The following CACNA1F variants were observed in gnomAD, a reference collection of about 807,000 sequenced individuals.
CACNA1F encodes the protein calcium voltage-gated channel subunit alpha1 F, also known as voltage-dependent L-type calcium channel subunit alpha-1F.
Under a neutral mutation model 143.8 loss-of-function variants are expected in CACNA1F, and 59 were observed. The ratio of observed to expected loss-of-function variants is 0.41; its 90% confidence interval spans 0.33 to 0.51. The LOEUF is 0.51. Among genes scored for constraint, CACNA1F ranks in the 20% least tolerant of loss-of-function variants. CACNA1F has a pLI of 0.22. For synonymous variants in CACNA1F, 643 were observed against 649.1 expected (o/e 0.99, Z 0.14); for missense variants, 1,411 against 1,647.5 (o/e 0.86, Z 2.48).
At chrX:49,212,943 G>A (rs1557106621) in intron 32 of CACNA1F, 31 bp downstream of exon 32, 2 of 1,193,310 alleles carry the variant, frequency 1.7e-6, no homozygotes, top group Non-Finnish European at 2.3e-6. Context: ...GGGAAAAGAA[G>A]CAGAGAGTCC....
intron 3 of CACNA1F, 21 bp from the exon 4 acceptor site, chrX:49,231,010 C>T: frequency 7.3e-6 from 4 of 551,724 alleles, no homozygotes; most frequent in Non-Finnish European, 8.1e-6. Context: ...GACCGGGGGG[C>T]GGGTCGGGAA....
chrX:49,222,803 A>G lies in CACNA1F; in HGVS notation c.2121T>C (p.Tyr707=). ...GGCCACCATATGCCATGATACCATC[A>G]TACATGACCACGTTCCAGTCCTCAC... ...LTGEDWNVVM[Y]DGIMAYGGPF... is the part of the protein sequence containing the mutation. The change falls in exon 16 of 48, where the codon TAT becomes TAC. Residue 707 remains tyrosine, a synonymous_variant. Transcript: ENST00000323022. The G allele has an allele frequency of 8.3e-7, 1 of 1,210,956 alleles. No individual in the cohort carries two copies. Among genetic ancestry groups the G allele is most frequent in the South Asian group, 1.8e-5 (1 of 56,952 alleles).
In CACNA1F at chrX:49,209,702, C is replaced by T; in HGVS notation, c.4748G>A (p.Arg1583His). The T allele has an allele frequency of 8.3e-7, 1 of 1,210,866 alleles. No homozygotes were observed. The highest frequency in any genetic ancestry group is 1.1e-6 in the Non-Finnish European group (1 of 894,897). Residue 1583 changes from arginine to histidine, a missense_variant, in exon 41 of 48, where the codon CGC becomes CAC. By Grantham distance (29) the Arg-to-His change is conservative. This residue lies in a region of CACNA1F where 349 missense variants were observed against 350.2 expected (regional missense o/e 1.00). Transcript: ENST00000323022. ...YATFLIQDYF[R>H]KFRRRKEKGL... ...TTTTTCTTTCCTCCGCCGGAATTTG[C>T]GGAAATAGTCCTGGATCAGAAATGT...
Position 49,207,041 on chromosome X carries a change from TG to T in CACNA1F, c.5194del (p.Gln1732LysfsTer17). On this transcript the variant is annotated frameshift_variant, in exon 44 of 48. Coordinates refer to ENST00000323022, the MANE Select transcript of CACNA1F (RefSeq NM_001256789.3). LOFTEE classifies it high-confidence loss of function. Reference sequence around the variant, plus strand: ...TTCCTCATCCTCATCTTGCTTGTTTTGCCCTTTGGTTCCCTTGGGCTGAGAA... The same window carrying T: ...TTCCTCATCCTCATCTTGCTTGTTTTCCCTTTGGTTCCCTTGGGCTGAGAA... ...GNSQPKGTKG[Q>X]NKQDEDEEVP... 8.3e-7 allele frequency: 1 copy of T among 1,204,079 alleles called. No homozygotes were observed. The highest frequency in any genetic ancestry group is 1.1e-6 in the Non-Finnish European group (1 of 890,566).
intron 26 of CACNA1F, among the ~76,000 whole-genome samples, chrX:49,217,355 ACT>A (rs1557107669): frequency 8.9e-6 from 1 of 112,771 alleles, no homozygotes; most frequent in African/African-American, 3.2e-5. Flanking sequence ...TGAGATAGGC[ACT>A]GTTTAGCCCC....
intron 29 of CACNA1F, among the ~76,000 whole-genome samples, chrX:49,214,624 G>GATCATGAAACAACA (rs2065692430): frequency 8.9e-6 from 1 of 112,083 alleles, no homozygotes; most frequent in Non-Finnish European, 1.9e-5. Context: ...CTGGAGCTGT[G>GATCATGAAACAACA]ATCATGAAAC....
In CACNA1F at chrX:49,230,451, G is replaced by A. The variant is rs2147924281; in HGVS notation, c.664+16C>T. On this transcript the variant is annotated intron_variant, in intron 5 of 47. Transcript: ENST00000323022. The stretch of plus-strand genomic sequence containing the variant: ...CCCCACCCTCCACCTCCGACCTCGG[G>A]GGATGTGCCACTCACTCGGGACCCC... 1 of 1,208,884 alleles carries A rather than the reference G, an allele frequency of 8.3e-7. No homozygotes were observed.
At chrX:49,214,527 TA>T (rs1480799954) in intron 29 of CACNA1F, among the ~76,000 whole-genome samples, 1 of 110,823 alleles carries the variant, frequency 9.0e-6, no homozygotes, top group Non-Finnish European at 1.9e-5. Flanking sequence ...GCAGCTTGTG[TA>T]AAAAAAATTT....
At chrX:49,230,089 G>T in intron 6 of CACNA1F, 131 bp downstream of exon 6, 1 of 547,687 alleles carries the variant, frequency 1.8e-6, no homozygotes, top group Non-Finnish European at 2.9e-6. Flanking sequence ...GTGGGACTTG[G>T]TTATCTGGGG....
At position 49,219,337 on chromosome X, in the gene CACNA1F, T is replaced by G; in HGVS notation, c.2657A>C (p.His886Pro). The change falls in exon 21 of 48, where the codon CAC (histidine) becomes CCC (proline). Residue 886 changes from histidine to proline, a missense_variant. Physicochemically the swap from His to Pro is moderately conservative, Grantham distance 77. Coordinates refer to ENST00000323022, the MANE Select transcript of CACNA1F (RefSeq NM_001256789.3). ...SLAAEDPIRA[H>P]SFRNHILGYF... is the part of the protein sequence containing the mutation. ...AAGGCTCACATGGTTGCGGAAGGAG[T>G]GGGCTCGGATGGGGTCCTCAGCGGC... 8.3e-7 allele frequency: 1 copy of G among 1,207,003 alleles called. No homozygotes were observed. Among genetic ancestry groups the G allele is most frequent in the Non-Finnish European group, 1.1e-6 (1 of 893,754 alleles).
chrX:49,223,719 T>C (rs2065796824), intron 14 of CACNA1F, among the ~76,000 whole-genome samples: 2 of 90,927 alleles, frequency 2.2e-5, no homozygotes, highest in Admixed American at 2.5e-4. Flanking sequence ...AGGATGGAGT[T>C]TTTTTTTTTC....
At position 49,222,726 on chromosome X, in the gene CACNA1F, C is replaced by G; in HGVS notation, c.2198G>C (p.Cys733Ser). The change falls in exon 16 of 48, where the codon TGT becomes TCT. Residue 733 changes from cysteine to serine, a missense_variant. Around this residue, in one of 3 missense-constraint regions of CACNA1F, gnomAD observed 950 missense variants for 1,128.1 expected, o/e 0.84. Transcript: ENST00000323022. ...VCIYFIILFI[C>S]GNYILLNVFL... ...CAAAGCTCCAAGGATACAGTTGCCA[C>G]AGATGAAGAGAATGATGAAATAGAT... 8.3e-7 allele frequency: 1 copy of G among 1,211,546 alleles called. No individual in the cohort carries two copies. Among genetic ancestry groups the G allele is most frequent in the Non-Finnish European group, 1.1e-6 (1 of 895,402 alleles).
At chrX:49,208,749 A>T in intron 42 of CACNA1F, 65 bp from the exon 43 acceptor site, 1 of 1,015,401 alleles carries the variant, frequency 9.8e-7, no homozygotes, top group Non-Finnish European at 1.4e-6. Context: ...GTCATATAAC[A>T]TGTCTCCCCC....
intron 24 of CACNA1F, among the ~76,000 whole-genome samples, chrX:49,218,242 G>C (rs940775259): frequency 8.9e-6 from 1 of 112,348 alleles, no homozygotes; most frequent in Non-Finnish European, 1.9e-5. Flanking sequence ...TCAGGGAGCT[G>C]GGTCTGAGAA....
Position 49,212,237 on chromosome X carries a change from A to G in CACNA1F, c.4008+6T>C. The G allele has an allele frequency of 8.3e-7, 1 of 1,200,600 alleles. No individual in the cohort carries two copies. The highest frequency in any genetic ancestry group is 1.1e-6 in the Non-Finnish European group (1 of 885,889). On this transcript the variant is annotated splice_donor_region_variant and intron_variant, in intron 34 of 47. Coordinates refer to ENST00000323022, the MANE Select transcript of CACNA1F (RefSeq NM_001256789.3). The stretch of plus-strand genomic sequence containing the variant: ...TTAAGGGATGCTTCCTAGGGTCCCC[A>G]CTTGCCTGCATGCCAATGACGGCAT...
Position 49,206,772 on chromosome X carries a change from C to A in CACNA1F, c.5315G>T (p.Gly1772Val). 8.3e-7 allele frequency: 1 copy of A among 1,208,357 alleles called. No homozygotes were observed. The highest frequency in any genetic ancestry group is 1.1e-6 in the Non-Finnish European group (1 of 893,049). ...CAGACGGCGGCGTGGTACCAGGTGC[C>A]CATCCATGTATCTCTGAGCTCTGTG... is the stretch of plus-strand genomic sequence containing the variant. Reference protein sequence around the residue: ...PPHRAQRYMDGHLVPRRRLLP... With the variant: ...PPHRAQRYMDVHLVPRRRLLP... Residue 1772 changes from glycine to valine, a missense_variant, in exon 45 of 48, where the codon GGG (glycine) becomes GTG (valine). Gly to Val is a moderately radical substitution (Grantham distance 109, BLOSUM62 -3). Transcript: ENST00000323022.
intron 29 of CACNA1F, among the ~76,000 whole-genome samples, chrX:49,214,860 C>CTT (rs139742315): frequency 6.8e-5 from 7 of 103,075 alleles, no homozygotes; most frequent in Non-Finnish European, 1.2e-4. Flanking sequence ...CCACTGGCTA[C>CTT]TTTTTTTTTT....
chrX:49,209,209 T>C, intron 42 of CACNA1F, 53 bp downstream of exon 42: 1 of 1,194,654 alleles, frequency 8.4e-7, no homozygotes, highest in South Asian at 1.8e-5. Context: ...ACTCAGGGGA[T>C]TGACGAAGTA....
In CACNA1F at chrX:49,206,998, A is replaced by C; in HGVS notation, c.5231+7T>G. On this transcript the variant is annotated splice_region_variant and intron_variant, in intron 44 of 47. Transcript: ENST00000323022. ...TGGGTTCATCCCATGTGGCATGGCC[A>C]GTGTACCGATCAGGGACTTCCTCAT... 4 of 1,118,776 alleles carry C rather than the reference A, an allele frequency of 3.6e-6. No individual in the cohort carries two copies. The South Asian group carries it at 5.6e-5, about 16-fold the overall frequency. 92.2% of individuals were successfully genotyped at this position (1,118,776 alleles called of 1,213,427 possible). A position where few individuals can be genotyped will look rare whatever the true frequency, so the allele number is the denominator to read the frequency against.
Sources: allele counts gnomAD v4.1 joint callset (sites outside exome capture counted in the v4.1 genomes callset), GRCh38; gene constraint gnomAD v4.1.1; regional missense constraint gnomAD v4.1.1; transcripts MANE v1.5; gene names NCBI Gene and HGNC (gene_info 2026-07-23, HGNC 2026-07-21).